RCHY1: variants seen among roughly 807,000 people sequenced by gnomAD.
RCHY1 encodes ring finger and CHY zinc finger domain containing 1, also known as RING finger and CHY zinc finger domain-containing protein 1.
RCHY1 carries 21 observed loss-of-function variants against 41.6 expected under a neutral mutation model. That is an observed-to-expected ratio of 0.51 (90% CI 0.36 to 0.73). The LOEUF is 0.73. Ranked by LOEUF, RCHY1 falls within the 30% of genes least tolerant of loss-of-function variation. The pLI is 0.00. For synonymous variants in RCHY1, 79 were observed against 102.9 expected, an observed-to-expected ratio of 0.77 and a Z score of 1.41; for missense variants, 265 against 325.3, an observed-to-expected ratio of 0.81 and a Z score of 1.43.
chr4:75,505,692 A>C (rs916228726), intron 3 of RCHY1, among the ~76,000 whole-genome samples: 2 of 152,224 alleles, frequency 1.3e-5, no homozygotes, highest in African/African-American at 4.8e-5. Flanking sequence ...CTACTTCCAC[A>C]ATGACGAAAT....
intron 8 of RCHY1, among the ~76,000 whole-genome samples, chr4:75,487,044 T>C (rs938729558): frequency 1.3e-5 from 2 of 152,060 alleles, no homozygotes; most frequent in African/African-American, 2.4e-5. Flanking sequence ...AATAAAAAAG[T>C]GTAGATTAAA....
chr4:75,488,535 T>C (rs6841882), intron 8 of RCHY1, among the ~76,000 whole-genome samples: 98,605 of 152,034 alleles, frequency 0.65, 32,454 homozygotes, highest in African/African-American at 0.76. Context: ...AGGATAAAAA[T>C]TGATTGAATA....
At chr4:75,489,034 C>T (rs72866226) in intron 8 of RCHY1, among the ~76,000 whole-genome samples, 1 of 151,904 alleles carries the variant, frequency 6.6e-6, no homozygotes, top group African/African-American at 2.4e-5. Flanking sequence ...GAGATTGTGC[C>T]ACTGCACTCC....
At chr4:75,505,033 G>A (rs1724162153) in intron 3 of RCHY1, among the ~76,000 whole-genome samples, 1 of 152,180 alleles carries the variant, frequency 6.6e-6, no homozygotes, top group African/African-American at 2.4e-5. Context: ...TCTGGCACCA[G>A]GGACTGGTTT....
intron 3 of RCHY1, among the ~76,000 whole-genome samples, chr4:75,497,153 GAAGAA>G (rs1723286268): frequency 6.6e-6 from 1 of 152,072 alleles, no homozygotes; most frequent in African/African-American, 2.4e-5. Context: ...AATGAAATAG[GAAGAA>G]AAGGGAATTT....
At chr4:75,498,785 A>G (rs529944396) in intron 3 of RCHY1, among the ~76,000 whole-genome samples, 27 of 152,334 alleles carry the variant, frequency 1.8e-4, no homozygotes, top group African/African-American at 6.0e-4. Flanking sequence ...CACAGAAATC[A>G]AATCAAAATG....
intron 8 of RCHY1, 61 bp from the exon 9 acceptor site, chr4:75,482,727 TA>T (rs1721624674): frequency 8.3e-7 from 1 of 1,203,280 alleles, no homozygotes. Context: ...TAGCATTGTC[TA>T]CTCATAATCC....
At chr4:75,506,392 G>C (rs910757533) in intron 3 of RCHY1, among the ~76,000 whole-genome samples, 2 of 151,682 alleles carry the variant, frequency 1.3e-5, no homozygotes, top group Non-Finnish European at 2.9e-5. Context: ...CAAGATATTG[G>C]AGTTATTAGG....
At chr4:75,489,366 C>A (rs1200855852) in intron 8 of RCHY1, among the ~76,000 whole-genome samples, 1 of 152,154 alleles carries the variant, frequency 6.6e-6, no homozygotes, top group Non-Finnish European at 1.5e-5. Flanking sequence ...AGAGGGTTAA[C>A]TCTATTACAG....
At chr4:75,508,213 G>A (rs1389446395) in intron 3 of RCHY1, among the ~76,000 whole-genome samples, 1 of 151,982 alleles carries the variant, frequency 6.6e-6, no homozygotes, top group East Asian at 1.9e-4. Flanking sequence ...TGACAGTATT[G>A]GTAACATTCC....
In RCHY1 at chr4:75,514,369, C is replaced by T; in HGVS notation, c.-83G>A. ...AGAGAAGCTGCGCCTCTCTAGCACACCCCTCCCAGCCCCAGCGGCCACTAG... is the reference window on the plus strand; with the variant it reads ...AGAGAAGCTGCGCCTCTCTAGCACATCCCTCCCAGCCCCAGCGGCCACTAG... On this transcript the variant is annotated 5_prime_UTR_variant, in exon 1 of 9. It adds an upstream start codon to the 5' untranslated region. Coordinates refer to ENST00000324439, the MANE Select transcript of RCHY1 (RefSeq NM_015436.4). 1 of 1,426,982 alleles carries T rather than the reference C, an allele frequency of 7.0e-7. No individual in the cohort carries two copies. The highest frequency in any genetic ancestry group is 9.5e-7 in the Non-Finnish European group (1 of 1,057,748). 88.4% of individuals were successfully genotyped at this position (1,426,982 alleles called of 1,614,324 possible).
intron 3 of RCHY1, among the ~76,000 whole-genome samples, chr4:75,508,195 T>C (rs182943694): frequency 2.0e-5 from 3 of 152,236 alleles, no homozygotes; most frequent in East Asian, 3.9e-4. Flanking sequence ...ACGGAACACC[T>C]TGGGCTTTGA....
chr4:75,490,804 A>T, intron 7 of RCHY1, 103 bp from the exon 8 acceptor site: 1 of 802,114 alleles, frequency 1.2e-6, no homozygotes, highest in Non-Finnish European at 1.9e-6. Flanking sequence ...CATTCAAAAC[A>T]GGCATTTTCC....
chr4:75,513,182 A>G (rs1439863285), intron 1 of RCHY1, among the ~76,000 whole-genome samples: 1 of 152,214 alleles, frequency 6.6e-6, no homozygotes, highest in Non-Finnish European at 1.5e-5. Context: ...CATGACCTAT[A>G]GAAAAGAGTT....
intron 8 of RCHY1, among the ~76,000 whole-genome samples, chr4:75,483,961 T>C (rs1721762107): frequency 6.6e-6 from 1 of 152,070 alleles, no homozygotes; most frequent in South Asian, 2.1e-4. Flanking sequence ...AGATGATCAC[T>C]CTCCATAAGC....
intron 8 of RCHY1, among the ~76,000 whole-genome samples, chr4:75,487,213 G>T (rs1186716947): frequency 6.6e-6 from 1 of 151,578 alleles, no homozygotes; most frequent in Non-Finnish European, 1.5e-5. Context: ...GTAAAATCTG[G>T]TTTTCTCTCT....
In RCHY1 at chr4:75,487,618, A is replaced by ATATATATTCATATATATTCAT. The variant is rs1722231883; in HGVS notation, c.657+2962_657+2963insATGAATATATATGAATATATA. Among the ~76,000 whole-genome samples the ATATATATTCATATATATTCAT allele has an allele frequency of 9.4e-5, 2 of 21,252 alleles. 1 individual carries two copies. Among genetic ancestry groups the ATATATATTCATATATATTCAT allele is most frequent in the Non-Finnish European group, 1.6e-4 (2 of 12,780 alleles). The allele number at this position is 21,252 out of a possible 152,430, so 13.9% of individuals were successfully genotyped here. ...ATATATATTCATATATATTCATAAT[A>ATATATATTCATATATATTCAT]TATATATTCATAATATATATATTCA... On this transcript the variant is annotated intron_variant, in intron 8 of 8. Coordinates refer to ENST00000324439, the MANE Select transcript of RCHY1 (RefSeq NM_015436.4).
chr4:75,506,259 A>C (rs1326850715), intron 3 of RCHY1, among the ~76,000 whole-genome samples: 1 of 152,030 alleles, frequency 6.6e-6, no homozygotes, highest in East Asian at 1.9e-4. Flanking sequence ...TAGCATCGAG[A>C]GCTTAATAAA....
chr4:75,500,635 C>G (rs1452241246), intron 3 of RCHY1, among the ~76,000 whole-genome samples: 1 of 152,146 alleles, frequency 6.6e-6, no homozygotes, highest in African/African-American at 2.4e-5. Context: ...AGCAATTTTT[C>G]AAGCCCACAC....
Sources: gnomAD v4.1 joint callset for allele counts (sites outside exome capture counted in the v4.1 genomes callset) on GRCh38, gnomAD v4.1.1 for gene constraint, MANE v1.5 for transcripts, NCBI Gene and HGNC (gene_info 2026-07-23, HGNC 2026-07-21) for gene names.